Variants in KCNK1 observed in about 807,000 individuals in gnomAD.
KCNK1 encodes the protein potassium two pore domain channel subfamily K member 1, also known as potassium channel subfamily K member 1.
Under a neutral mutation model 22.2 loss-of-function variants are expected in KCNK1, and 10 were observed. That is an observed-to-expected ratio of 0.45 (90% confidence interval 0.28 to 0.76). KCNK1 has a LOEUF of 0.76. Ranked by LOEUF, KCNK1 falls within the 30% of genes least tolerant of loss-of-function variation. The pLI, the probability that KCNK1 is intolerant of heterozygous loss-of-function variation, is 0.14. For synonymous variants in KCNK1, 200 were observed against 186.4 expected, an observed-to-expected ratio of 1.07 and a Z score of -0.60; for missense variants, 378 against 421.0, an observed-to-expected ratio of 0.90 and a Z score of 0.89.
intron 1 of KCNK1, among the ~76,000 whole-genome samples, chr1:233,646,453 G>T (rs888215941): frequency 3.3e-5 from 5 of 152,170 alleles, no homozygotes; most frequent in African/African-American, 7.2e-5. Context: ...TAGAGGATAA[G>T]ATGCTGCTAA....
At chr1:233,646,114 G>A (rs1189651811) in intron 1 of KCNK1, among the ~76,000 whole-genome samples, 1 of 152,130 alleles carries the variant, frequency 6.6e-6, no homozygotes, top group African/African-American at 2.4e-5. Flanking sequence ...TTGATTTTGA[G>A]ATGCCTACGT....
intron 1 of KCNK1, among the ~76,000 whole-genome samples, chr1:233,654,308 T>C (rs1175041071): frequency 1.3e-5 from 2 of 152,132 alleles, no homozygotes; most frequent in Non-Finnish European, 2.9e-5. Context: ...TATACCTGTG[T>C]AACAAACCTG....
intron 1 of KCNK1, among the ~76,000 whole-genome samples, chr1:233,641,105 C>G (rs1657992218): frequency 6.6e-6 from 1 of 152,170 alleles, no homozygotes; most frequent in African/African-American, 2.4e-5. Context: ...TGGTAAGTTT[C>G]TTCAGCAAAT....
At chr1:233,625,771 TA>T (rs926124824) in intron 1 of KCNK1, among the ~76,000 whole-genome samples, 1 of 151,888 alleles carries the variant, frequency 6.6e-6, no homozygotes, top group African/African-American at 2.4e-5. Context: ...GGCACTTACG[TA>T]AAGAGTGAGA....
chr1:233,648,825 C>T (rs987468400), intron 1 of KCNK1, among the ~76,000 whole-genome samples: 1 of 152,176 alleles, frequency 6.6e-6, no homozygotes, highest in Non-Finnish European at 1.5e-5. Context: ...CCTTGGCCCC[C>T]CAAAGTGCTG....
intron 1 of KCNK1, among the ~76,000 whole-genome samples, chr1:233,617,886 A>G (rs1657512204): frequency 6.6e-6 from 1 of 152,136 alleles, no homozygotes; most frequent in African/African-American, 2.4e-5. Flanking sequence ...GCTGTGATTG[A>G]GCCACTGTGT....
In KCNK1 at chr1:233,671,381, G is replaced by A. The variant is rs147294916; in HGVS notation, c.862G>A (p.Glu288Lys). 1.8e-5 allele frequency: 29 copies of A among 1,614,180 alleles called. No individual in the cohort carries two copies. The highest frequency in any genetic ancestry group is 1.6e-4 in the Middle Eastern group (1 of 6,062). ...GTTCTATGTGAAGAAGGACAAGGAC[G>A]AGGATCAGGTGCACATCATAGAGCA... ...KMFYVKKDKDEDQVHIIEHDQ... is the reference protein window; with the variant it reads ...KMFYVKKDKDKDQVHIIEHDQ... The change falls in exon 3 of 3, where the codon GAG becomes AAG. Residue 288 changes from glutamate (E) to lysine (K), a missense_variant. Transcript: ENST00000366621.
intron 1 of KCNK1, 141 bp downstream of exon 1, chr1:233,614,667 C>G (rs1452333957): frequency 4.5e-6 from 3 of 669,500 alleles, no homozygotes; most frequent in Non-Finnish European, 7.5e-6. Flanking sequence ...AGCCCGCCTC[C>G]CCTCACTGTC....
intron 1 of KCNK1, among the ~76,000 whole-genome samples, chr1:233,626,039 C>G (rs910008425): frequency 6.6e-6 from 1 of 151,918 alleles, no homozygotes; most frequent in Admixed American, 6.6e-5. Flanking sequence ...ACTGTTCCAA[C>G]GCGTTCACTC....
chr1:233,670,462 A>G (rs1375063928), intron 2 of KCNK1, among the ~76,000 whole-genome samples: 4 of 152,218 alleles, frequency 2.6e-5, no homozygotes, highest in Non-Finnish European at 4.4e-5. Flanking sequence ...ACAATTTACA[A>G]AAGAAAGAGG....
chr1:233,669,601 A>T (rs555333125), intron 2 of KCNK1, among the ~76,000 whole-genome samples: 1 of 152,172 alleles, frequency 6.6e-6, no homozygotes, highest in African/African-American at 2.4e-5. Flanking sequence ...TAATCATAGT[A>T]CTTTGGGAGA....
chr1:233,639,722 A>G (rs1657971171), intron 1 of KCNK1, among the ~76,000 whole-genome samples: 1 of 152,226 alleles, frequency 6.6e-6, no homozygotes, highest in Non-Finnish European at 1.5e-5. Context: ...CTGTGAGGCA[A>G]TTGGTCATCT....
chr1:233,672,103 A>G lies in KCNK1; in HGVS notation c.*573A>G, dbSNP rs1658610951. On this transcript the variant is annotated 3_prime_UTR_variant, in exon 3 of 3. Transcript: ENST00000366621. ...TGTTTATATTCTGTACATATGGTTT[A>G]GGTCACCAGATCCTAGTGTAGTTCT... The G allele has an allele frequency of 6.5e-6, 1 of 153,006 alleles. No homozygotes were observed. The highest frequency in any genetic ancestry group is 1.5e-5 in the Non-Finnish European group (1 of 68,414). The allele number at this position is 153,006 out of a possible 1,614,324, so 9.5% of individuals were successfully genotyped here.
chr1:233,664,126 G>A (rs925100647), intron 1 of KCNK1, among the ~76,000 whole-genome samples: 3 of 151,988 alleles, frequency 2.0e-5, no homozygotes, highest in South Asian at 2.1e-4. Context: ...CACCGTGCCC[G>A]GCCTTCAGTT....
chr1:233,669,623 A>C (rs1191622028), intron 2 of KCNK1, among the ~76,000 whole-genome samples: 1 of 152,174 alleles, frequency 6.6e-6, no homozygotes, highest in Non-Finnish European at 1.5e-5. Context: ...GAAGGCAGGC[A>C]GATCACTAAG....
rs767372779 is a variant in KCNK1 at position 233,666,731 on chromosome 1, G to A, written c.492G>A (p.Pro164=). The change falls in exon 2 of 3, where the codon CCG becomes CCA. Residue 164 remains proline (P), a synonymous_variant. Coordinates refer to ENST00000366621, the MANE Select transcript of KCNK1 (RefSeq NM_002245.4). The stretch of plus-strand genomic sequence containing the variant: ...TCACCGTGCACGTCACCCGCAGGCC[G>A]GTCCTCTACTTCCACATCCGCTGGG... ...QRITVHVTRR[P]VLYFHIRWGF... The A allele has an allele frequency of 8.1e-6, 13 of 1,614,104 alleles. No homozygotes were observed. Among genetic ancestry groups the A allele is most frequent in the East Asian group, 2.2e-5 (1 of 44,858 alleles).
At chr1:233,653,313 G>C (rs1658231744) in intron 1 of KCNK1, among the ~76,000 whole-genome samples, 1 of 152,202 alleles carries the variant, frequency 6.6e-6, no homozygotes, top group Non-Finnish European at 1.5e-5. Context: ...TGAACAAGCT[G>C]TCTTTTCAAT....
intron 1 of KCNK1, among the ~76,000 whole-genome samples, chr1:233,645,397 AGAT>A (rs1658075226): frequency 6.6e-6 from 1 of 152,182 alleles, no homozygotes; most frequent in Non-Finnish European, 1.5e-5. Flanking sequence ...TGGATTATCC[AGAT>A]GGGCCCTAAA....
chr1:233,650,574 C>T (rs1049323832), intron 1 of KCNK1, among the ~76,000 whole-genome samples: 3 of 152,142 alleles, frequency 2.0e-5, no homozygotes, highest in African/African-American at 7.2e-5. Flanking sequence ...CTTCATGGTA[C>T]TTCCTATGTG....
Sources: gnomAD v4.1 joint callset for allele counts (sites outside exome capture counted in the v4.1 genomes callset) on GRCh38, gnomAD v4.1.1 for gene constraint, MANE v1.5 for transcripts, NCBI Gene and HGNC (gene_info 2026-07-23, HGNC 2026-07-21) for gene names.